Variants in DAPK2 observed in about 807,000 individuals in gnomAD.
The protein encoded by DAPK2 is death-associated protein kinase 2.
Under a neutral mutation model 44.1 loss-of-function variants are expected in DAPK2, and 35 were observed. That is an observed-to-expected ratio of 0.79 (90% CI 0.61 to 1.05). The LOEUF (loss-of-function observed/expected upper bound fraction) is 1.05. Ranked by LOEUF, DAPK2 falls within the 50% of genes least tolerant of loss-of-function variation. The pLI is 0.00. For synonymous variants in DAPK2, 174 were observed against 182.6 expected, an observed-to-expected ratio of 0.95 and a Z score of 0.38; for missense variants, 453 against 483.2, an observed-to-expected ratio of 0.94 and a Z score of 0.59.
At chr15:63,935,536 T>G (rs1269429089) in intron 4 of DAPK2, 1 of 152,244 alleles carries the variant, frequency 6.6e-6, no homozygotes, top group Non-Finnish European at 1.5e-5. Context: ...ATTGTTCTTT[T>G]GCAGGTATTT....
intron 3 of DAPK2, among the ~76,000 whole-genome samples, chr15:63,968,195 G>A (rs1254157838): frequency 6.6e-6 from 1 of 152,238 alleles, no homozygotes; most frequent in Non-Finnish European, 1.5e-5. Context: ...TCTGGCTCCA[G>A]GAAACATGTA....
chr15:64,001,341 C>T (rs1035767165), intron 1 of DAPK2, among the ~76,000 whole-genome samples: 2 of 152,066 alleles, frequency 1.3e-5, no homozygotes, highest in Non-Finnish European at 2.9e-5. Flanking sequence ...CAGCTTGGCC[C>T]GACAAAGAAC....
At chr15:63,926,987 C>T (rs1305363270) in intron 6 of DAPK2, among the ~76,000 whole-genome samples, 2 of 152,188 alleles carry the variant, frequency 1.3e-5, no homozygotes, top group South Asian at 2.1e-4. Context: ...CAGCAAGGTG[C>T]ACTGTACAAA....
In DAPK2 at chr15:63,923,267, T is replaced by C; in HGVS notation, c.858+1549A>G. On this transcript the variant is annotated intron_variant, in intron 8 of 10. Coordinates refer to ENST00000261891, the Ensembl canonical transcript of DAPK2. The surrounding 1 kb of genome is among the most constrained non-coding windows in gnomAD (Gnocchi z 4.2). ...CATGCTTGAGTGGCATTTGAGAGTG[T>C]ACTCTCTCAGGTGCTTGGTCTTCAG... 2 of 1,535,946 alleles carry C rather than the reference T, an allele frequency of 1.3e-6. No homozygotes were observed. The highest frequency in any genetic ancestry group is 1.2e-5 in the South Asian group (1 of 84,056).
At chr15:63,996,924 C>T (rs1034480091) in intron 1 of DAPK2, among the ~76,000 whole-genome samples, 1 of 152,198 alleles carries the variant, frequency 6.6e-6, no homozygotes, top group Non-Finnish European at 1.5e-5. Context: ...CCCTCATCCC[C>T]ACCCTCAAAA....
intron 8 of DAPK2, chr15:63,922,708 G>A (rs1189852023): frequency 1.3e-6 from 2 of 1,493,076 alleles, no homozygotes; most frequent in Non-Finnish European, 1.8e-6. Context: ...AACCTCTTGG[G>A]ATGCATCACT....
At chr15:64,044,414 C>T (rs530911902), upstream of DAPK2, among the ~76,000 whole-genome samples, 2 of 152,220 alleles carry the variant, frequency 1.3e-5, no homozygotes, top group South Asian at 2.1e-4. Context: ...AGCAGTTCCA[C>T]GTTATCCATA....
chr15:63,954,646 TC>T (rs1261836240), intron 3 of DAPK2, among the ~76,000 whole-genome samples: 7 of 152,228 alleles, frequency 4.6e-5, no homozygotes, highest in African/African-American at 1.7e-4. Context: ...CTTTTGTGGT[TC>T]CATATACATT....
intron 3 of DAPK2, among the ~76,000 whole-genome samples, chr15:63,958,346 T>A (rs2077787044): frequency 6.6e-6 from 1 of 152,228 alleles, no homozygotes; most frequent in Non-Finnish European, 1.5e-5. Flanking sequence ...GTGCAGAAGC[T>A]CTTTAATTTA....
chr15:63,921,728 T>G lies in DAPK2; in HGVS notation c.858+3088A>C, dbSNP rs556808727. 15 of 152,386 alleles carry G rather than the reference T, an allele frequency of 9.8e-5. No individual in the cohort carries two copies. In the East Asian group the frequency reaches 2.3e-3, roughly 23 times the overall value. 9.4% of individuals were successfully genotyped at this position (152,386 alleles called of 1,614,324 possible). On this transcript the variant is annotated intron_variant, in intron 8 of 10. Coordinates refer to ENST00000261891, the Ensembl canonical transcript of DAPK2. The stretch of plus-strand genomic sequence containing the variant: ...GGTACATAAGAAAAGGAACCTCCTG[T>G]TGAGGACCTTCTGGCCTTTATTCTC...
At chr15:64,027,980 T>C (rs577991175) in intron 1 of DAPK2, among the ~76,000 whole-genome samples, 2 of 152,310 alleles carry the variant, frequency 1.3e-5, no homozygotes, top group South Asian at 4.2e-4. Context: ...GTTACCTGAA[T>C]TGGGCATGCC....
intron 8 of DAPK2, chr15:63,920,280 G>A (rs1389097832): frequency 6.6e-6 from 1 of 152,128 alleles, no homozygotes; most frequent in Non-Finnish European, 1.5e-5. Context: ...AAACCTGCAT[G>A]AGTACCACCG....
chr15:64,028,253 T>A (rs2079910877), intron 1 of DAPK2, among the ~76,000 whole-genome samples: 1 of 152,212 alleles, frequency 6.6e-6, no homozygotes, highest in African/African-American at 2.4e-5. Flanking sequence ...GAGATGGGGT[T>A]TCGCCATGTT....
chr15:63,963,737 G>T (rs775362606), intron 3 of DAPK2, among the ~76,000 whole-genome samples: 1 of 151,760 alleles, frequency 6.6e-6, no homozygotes, highest in African/African-American at 2.4e-5. Flanking sequence ...TTGATTTGAG[G>T]TTACCATGAG....
intron 3 of DAPK2, among the ~76,000 whole-genome samples, chr15:63,954,641 G>A (rs1174052587): frequency 6.6e-6 from 1 of 152,040 alleles, no homozygotes; most frequent in Non-Finnish European, 1.5e-5. Context: ...TGTGTCTTTT[G>A]TGGTTCCATA....
intron 1 of DAPK2, among the ~76,000 whole-genome samples, chr15:64,017,330 A>G (rs1296120347): frequency 1.3e-5 from 2 of 152,216 alleles, no homozygotes; most frequent in Non-Finnish European, 2.9e-5. Flanking sequence ...GCTGCCTCAC[A>G]GGGCAGTTGT....
intron 1 of DAPK2, among the ~76,000 whole-genome samples, chr15:64,037,776 G>T (rs1209081181): frequency 1.3e-5 from 2 of 152,158 alleles, no homozygotes; most frequent in Non-Finnish European, 2.9e-5. Context: ...CAAGTGAGAG[G>T]CCTGGAAGAG....
At chr15:63,981,823 C>T (rs151033931) in intron 2 of DAPK2, among the ~76,000 whole-genome samples, 191 of 152,130 alleles carry the variant, frequency 1.3e-3, no homozygotes, top group African/African-American at 4.1e-3. Flanking sequence ...CTGGGAGGCC[C>T]GTGGGAGAAA....
At chr15:63,954,430 G>T (rs1211615834) in intron 3 of DAPK2, among the ~76,000 whole-genome samples, 2 of 151,988 alleles carry the variant, frequency 1.3e-5, no homozygotes, top group South Asian at 4.2e-4. Flanking sequence ...TATGTTGTTG[G>T]CACCGTTGTC....
Sources: gnomAD v4.1 joint callset for allele counts (sites outside exome capture counted in the v4.1 genomes callset) on GRCh38, gnomAD v4.1.1 for gene constraint, Gnocchi (gnomAD v3.1) non-coding constraint, MANE v1.5 for transcripts, NCBI Gene and HGNC (gene_info 2026-07-23, HGNC 2026-07-21) for gene names.